The following SPATA22 variants were observed in gnomAD, a reference collection of about 807,000 sequenced individuals.
SPATA22 encodes spermatogenesis associated 22.
In SPATA22, 29 loss-of-function variants were observed where a neutral mutation model predicts 47.8. The ratio of observed to expected loss-of-function variants is 0.61; its 90% CI spans 0.45 to 0.83. SPATA22 has a LOEUF of 0.83. SPATA22 is among the 40% of genes least tolerant of loss of function. SPATA22 has a pLI of 0.00. For synonymous variants in SPATA22, 133 were observed against 140.9 expected, an observed-to-expected ratio of 0.94 and a Z score of 0.40; for missense variants, 410 against 421.7, an observed-to-expected ratio of 0.97 and a Z score of 0.24.
At chr17:3,502,717 C>T (rs1188206492) in intron 1 of SPATA22, 1 of 152,226 alleles carries the variant, frequency 6.6e-6, no homozygotes, top group Non-Finnish European at 1.5e-5. Flanking sequence ...AGCAGAGAAC[C>T]TCCTTCAGAC....
At chr17:3,477,602 G>A (rs1199623018) in intron 1 of SPATA22, among the ~76,000 whole-genome samples, 2 of 151,986 alleles carry the variant, frequency 1.3e-5, no homozygotes, top group African/African-American at 4.8e-5. Flanking sequence ...ACAGGCACTT[G>A]CCACCATGTC....
intron 5 of SPATA22, among the ~76,000 whole-genome samples, chr17:3,458,442 C>G (rs2073045335): frequency 6.6e-6 from 1 of 152,068 alleles, no homozygotes; most frequent in Non-Finnish European, 1.5e-5. Flanking sequence ...AAAAACAGAA[C>G]TACTATATAA....
chr17:3,471,563 G>A (rs2073436201), intron 1 of SPATA22, 119 bp downstream of exon 1: 5 of 985,172 alleles, frequency 5.1e-6, no homozygotes, highest in Non-Finnish European at 6.0e-6. Context: ...CTCAAATGGC[G>A]GCCTGTTTTG....
Position 3,487,064 on chromosome 17 carries a change from G to T in SPATA22, c.-73-17666C>A, listed in dbSNP as rs1188176488. ...TTTGTGTGTGTGTGTGTGTTTATGT[G>T]TGTGTGTGCGTGTGTGTGTGTGATC... On this transcript the variant is annotated intron_variant, in intron 1 of 8. Coordinates refer to the SPATA22 transcript ENST00000541913. Among the ~76,000 whole-genome samples the T allele has an allele frequency of 2.8e-5, 4 of 141,088 alleles. No homozygotes were observed. In the Admixed American group the frequency reaches 3.0e-4, roughly 11 times the overall value. 92.6% of individuals were successfully genotyped at this position (141,088 alleles called of 152,430 possible).
At position 3,443,248 on chromosome 17, in the gene SPATA22, G is replaced by A; in HGVS notation, c.826C>T (p.Pro276Ser). The change falls in exon 8 of 9, where the codon CCT becomes TCT. Residue 276 changes from proline (P) to serine (S), a missense_variant. By Grantham distance (74) the Pro-to-Ser change is moderately conservative. Coordinates refer to ENST00000572969, the MANE Select transcript of SPATA22 (RefSeq NM_001170698.2). ...AAAGTCTTCGAATAATATGGGCCAG[G>A]TGTAACAGCTGAATCAAGAACAGCT... ...VLAVLDSAVT[P>S]GPYYSKTFLM... 4.3e-6 allele frequency: 7 copies of A among 1,610,306 alleles called. No homozygotes were observed. The highest frequency in any genetic ancestry group is 5.9e-6 in the Non-Finnish European group (7 of 1,177,892).
chr17:3,452,318 G>A (rs2072881336), intron 5 of SPATA22, among the ~76,000 whole-genome samples: 1 of 151,080 alleles, frequency 6.6e-6, no homozygotes, highest in Non-Finnish European at 1.5e-5. Flanking sequence ...CTGGGACCGG[G>A]CGAGGTGGCT....
At chr17:3,507,304 A>G (rs2074049732) in intron 1 of SPATA22, among the ~76,000 whole-genome samples, 1 of 152,236 alleles carries the variant, frequency 6.6e-6, no homozygotes, top group South Asian at 2.1e-4. Context: ...TGCTATAAAC[A>G]TTAAATGAGA....
intron 1 of SPATA22, among the ~76,000 whole-genome samples, chr17:3,497,605 T>C (rs959887855): frequency 1.6e-4 from 24 of 152,216 alleles, no homozygotes; most frequent in Middle Eastern, 3.2e-3. Flanking sequence ...CCAGCCCCTC[T>C]ACCTGTATAT....
chr17:3,495,322 T>C (rs944289082), intron 1 of SPATA22, among the ~76,000 whole-genome samples: 1 of 152,122 alleles, frequency 6.6e-6, no homozygotes, highest in African/African-American at 2.4e-5. Flanking sequence ...ATAATAGCAA[T>C]GGCAGGACTC....
rs780769852 is a variant in SPATA22 at position 3,449,024 on chromosome 17, G to A, written c.455C>T (p.Ala152Val). Residue 152 changes from alanine (A) to valine (V), a missense_variant, in exon 6 of 9, where the codon GCT becomes GTT. Transcript: ENST00000572969. Reference protein sequence around the residue: ...GKNSCPVSSGAQQQKQLRIPE... With the variant: ...GKNSCPVSSGVQQQKQLRIPE... ...TATTCTTAATTGTTTTTGTTGTTGAGCTCCCGAACTCACTGGACAAGAATT... is the reference window on the plus strand; with the variant it reads ...TATTCTTAATTGTTTTTGTTGTTGAACTCCCGAACTCACTGGACAAGAATT... 1 of 1,613,930 alleles carries A rather than the reference G, an allele frequency of 6.2e-7. No individual in the cohort carries two copies. The highest frequency in any genetic ancestry group is 1.3e-5 in the African/African-American group (1 of 74,990).
In SPATA22 at chr17:3,465,212, T is replaced by C. The variant is rs1187303426; in HGVS notation, c.172+2214A>G. On this transcript the variant is annotated intron_variant, in intron 3 of 8. Transcript: ENST00000572969. ...TCGTCCAGGAGGTGAGGGGCGCCTC[T>C]GCCCGGCCGCCCCTACTGGGAAGTG... 5.6e-5 allele frequency among the ~76,000 whole-genome samples: 7 copies of C among 124,816 alleles called. 1 individual carries two copies. In the East Asian group the frequency reaches 1.6e-3, roughly 28 times the overall value. The allele number at this position is 124,816 out of a possible 152,430, so 81.9% of individuals were successfully genotyped here.
intron 5 of SPATA22, among the ~76,000 whole-genome samples, chr17:3,458,222 C>T (rs1394078129): frequency 6.6e-6 from 1 of 152,130 alleles, no homozygotes; most frequent in Admixed American, 6.5e-5. Flanking sequence ...TAAAAAGGTA[C>T]TCAACATCAC....
At chr17:3,486,138 T>A (rs1216793015) in intron 1 of SPATA22, among the ~76,000 whole-genome samples, 1 of 152,142 alleles carries the variant, frequency 6.6e-6, no homozygotes, top group Non-Finnish European at 1.5e-5. Flanking sequence ...TTCATCATGT[T>A]GGCCAGGCTG....
At chr17:3,460,922 G>A (rs1479021405) in intron 5 of SPATA22, among the ~76,000 whole-genome samples, 1 of 152,020 alleles carries the variant, frequency 6.6e-6, no homozygotes, top group Non-Finnish European at 1.5e-5. Flanking sequence ...GCCAATTGTA[G>A]GGGCTTTGGC....
chr17:3,462,806 G>A, intron 3 of SPATA22, 39 bp from the exon 4 acceptor site: 1 of 1,455,992 alleles, frequency 6.9e-7, no homozygotes, highest in Non-Finnish European at 9.6e-7. Flanking sequence ...AGTAAGATAG[G>A]TAGTATTTTT....
At chr17:3,506,207 C>T (rs947741058) in intron 1 of SPATA22, among the ~76,000 whole-genome samples, 1 of 152,138 alleles carries the variant, frequency 6.6e-6, no homozygotes, top group Non-Finnish European at 1.5e-5. Context: ...GAACACCTAC[C>T]AAGCCGATGA....
chr17:3,462,897 C>A (rs1218704774), intron 3 of SPATA22, 130 bp from the exon 4 acceptor site: 2 of 695,334 alleles, frequency 2.9e-6, no homozygotes, highest in Non-Finnish European at 5.1e-6. Context: ...TGGATTTCTT[C>A]AACAGTACTT....
At chr17:3,479,497 G>A (rs12601330) in intron 1 of SPATA22, among the ~76,000 whole-genome samples, 21,995 of 152,196 alleles carry the variant, frequency 0.14, 1,648 homozygotes, top group Middle Eastern at 0.23. Context: ...TCCAGAAGTA[G>A]GCTGTCCAGG....
rs1301321116 is a variant in SPATA22 at position 3,489,273 on chromosome 17, G to T, written c.-73-19875C>A. 3 of 1,613,078 alleles carry T rather than the reference G, an allele frequency of 1.9e-6. No individual in the cohort carries two copies. The African/African-American group carries it at 4.0e-5, about 22-fold the overall frequency. On this transcript the variant is annotated intron_variant, in intron 1 of 8. Transcript: ENST00000541913. Reference sequence around the variant, plus strand: ...TCCTCAGCCTCAAGGGGTTCTGAGAGCTGATATCTTGGATCAAATGAGAAA... The same window carrying T: ...TCCTCAGCCTCAAGGGGTTCTGAGATCTGATATCTTGGATCAAATGAGAAA...
Sources: allele counts gnomAD v4.1 joint callset (sites outside exome capture counted in the v4.1 genomes callset), GRCh38; gene constraint gnomAD v4.1.1; transcripts MANE v1.5; gene names NCBI Gene and HGNC (gene_info 2026-07-23, HGNC 2026-07-21).